The following BTRC variants were observed in gnomAD, a reference collection of about 807,000 sequenced individuals.
BTRC encodes F-box/WD repeat-containing protein 1A.
In BTRC, 42 loss-of-function variants were observed where a neutral mutation model predicts 85.5. The ratio of observed to expected loss-of-function variants is 0.49; its 90% CI spans 0.38 to 0.64. The LOEUF is 0.64. Ranked by LOEUF, BTRC falls within the 30% of genes least tolerant of loss-of-function variation. BTRC has a pLI of 0.00. For synonymous variants in BTRC, 255 were observed against 263.3 expected, an observed-to-expected ratio of 0.97 and a Z score of 0.30; for missense variants, 594 against 743.5, an observed-to-expected ratio of 0.80 and a Z score of 2.34.
chr10:101,419,018 T>C (rs887021500), intron 1 of BTRC, among the ~76,000 whole-genome samples: 10 of 151,546 alleles, frequency 6.6e-5, no homozygotes, highest in Admixed American at 3.9e-4. Context: ...TTCTTTCTTT[T>C]TTTTTTTTTT....
At chr10:101,526,741 T>C (rs1472099472) in intron 6 of BTRC, among the ~76,000 whole-genome samples, 1 of 152,256 alleles carries the variant, frequency 6.6e-6, no homozygotes, top group Non-Finnish European at 1.5e-5. Flanking sequence ...CTTTATCTTA[T>C]GCCTCTGGTG....
chr10:101,469,775 A>G (rs994234812), intron 3 of BTRC, among the ~76,000 whole-genome samples: 5 of 152,168 alleles, frequency 3.3e-5, no homozygotes, highest in African/African-American at 1.2e-4. Context: ...TTTCTGCACC[A>G]CCAATGGATC....
At chr10:101,409,054 CA>C (rs1345379381) in intron 1 of BTRC, among the ~76,000 whole-genome samples, 4 of 151,772 alleles carry the variant, frequency 2.6e-5, no homozygotes, top group Admixed American at 2.6e-4. Flanking sequence ...CATCTCAAAA[CA>C]AAAACAAAAA....
At chr10:101,459,926 AC>A (rs1316796259) in intron 2 of BTRC, among the ~76,000 whole-genome samples, 1 of 152,194 alleles carries the variant, frequency 6.6e-6, no homozygotes, top group African/African-American at 2.4e-5. Context: ...CAGCCCAAGT[AC>A]CTGTATAATA....
rs578231412 is a variant in BTRC at position 101,542,884 on chromosome 10, C to T, written c.1656+4513C>T. 5.3e-5 allele frequency among the ~76,000 whole-genome samples: 8 copies of T among 151,586 alleles called. No homozygotes were observed. In the South Asian group the frequency reaches 1.5e-3, roughly 28 times the overall value. On this transcript the variant is annotated intron_variant, in intron 13 of 14. Transcript: ENST00000370187. ...GCTTCATGGTTTTTTTTGTTGTTGT[C>T]GTTGTTTTTGAGACGGAGTTTCTCT...
chr10:101,536,129 A>G (rs1285243525), intron 11 of BTRC, among the ~76,000 whole-genome samples: 1 of 152,228 alleles, frequency 6.6e-6, no homozygotes, highest in Non-Finnish European at 1.5e-5. Flanking sequence ...GTGGTGAAAG[A>G]AGTGTCTGCC....
chr10:101,362,426 G>T (rs867640064), intron 1 of BTRC, among the ~76,000 whole-genome samples: 1 of 150,322 alleles, frequency 6.7e-6, no homozygotes, highest in Non-Finnish European at 1.5e-5. Context: ...ATGGAGTTTC[G>T]CTCTTGTTGC....
chr10:101,358,586 T>TA (rs1044404856), intron 1 of BTRC, among the ~76,000 whole-genome samples: 8 of 151,970 alleles, frequency 5.3e-5, no homozygotes, highest in African/African-American at 7.3e-5. Flanking sequence ...AAACTTAGCT[T>TA]AAAAAAAACA....
At chr10:101,445,973 TA>T (rs902305132) in intron 2 of BTRC, among the ~76,000 whole-genome samples, 1 of 152,156 alleles carries the variant, frequency 6.6e-6, no homozygotes, top group Admixed American at 6.5e-5. Context: ...ATAGGAATGA[TA>T]ATGTGGCACT....
At chr10:101,483,574 C>G (rs1473134925) in intron 4 of BTRC, among the ~76,000 whole-genome samples, 1 of 151,850 alleles carries the variant, frequency 6.6e-6, no homozygotes, top group Non-Finnish European at 1.5e-5. Flanking sequence ...GCCTGGGCGA[C>G]AGAGTGAGAC....
rs1388302599 is a variant in BTRC at position 101,509,286 on chromosome 10, G to A, written c.325-12353G>A. Among the ~76,000 whole-genome samples, 9 of 107,438 alleles carry A rather than the reference G, an allele frequency of 8.4e-5. No homozygotes were observed. The South Asian group carries it at 1.3e-3, about 16-fold the overall frequency. 70.5% of individuals were successfully genotyped at this position (107,438 alleles called of 152,430 possible). On this transcript the variant is annotated intron_variant, in intron 4 of 14. Coordinates refer to ENST00000370187, the MANE Select transcript of BTRC (RefSeq NM_033637.4). ...TTTTTTTTTTTTGAGACAGAGTCTC[G>A]CTCTGTCGCCCAGGCTGGAGTGCAG...
intron 4 of BTRC, among the ~76,000 whole-genome samples, chr10:101,512,224 C>A (rs1459832709): frequency 1.3e-5 from 2 of 152,204 alleles, no homozygotes; most frequent in Admixed American, 1.3e-4. Flanking sequence ...TTATCCCCTG[C>A]AAAACCCTTG....
chr10:101,501,884 ACCTACACAAAAC>A (rs889512004), intron 4 of BTRC, among the ~76,000 whole-genome samples: 2 of 152,140 alleles, frequency 1.3e-5, no homozygotes, highest in African/African-American at 4.8e-5. Flanking sequence ...CCCAGAAAAC[ACCTACACAAAAC>A]CCCTGGTGGA....
intron 4 of BTRC, among the ~76,000 whole-genome samples, chr10:101,499,322 C>T (rs892785442): frequency 2.6e-5 from 4 of 151,876 alleles, no homozygotes; most frequent in Non-Finnish European, 5.9e-5. Context: ...CTGCAACCTC[C>T]GCCTTCTGGG....
chr10:101,444,530 A>G (rs1183254741), intron 2 of BTRC, among the ~76,000 whole-genome samples: 1 of 152,170 alleles, frequency 6.6e-6, no homozygotes, highest in Non-Finnish European at 1.5e-5. Context: ...TGTAGTGTTA[A>G]AATTCACATT....
intron 1 of BTRC, among the ~76,000 whole-genome samples, chr10:101,422,188 T>C (rs1199870369): frequency 6.6e-6 from 1 of 152,202 alleles, no homozygotes; most frequent in Non-Finnish European, 1.5e-5. Context: ...TGGTATCTCA[T>C]TGTGGTTTTG....
At chr10:101,521,007 C>T (rs368056603) in intron 4 of BTRC, among the ~76,000 whole-genome samples, 2 of 152,020 alleles carry the variant, frequency 1.3e-5, no homozygotes, top group Admixed American at 6.6e-5. Flanking sequence ...TAGCTCACAC[C>T]TGTTAATCCC....
intron 3 of BTRC, among the ~76,000 whole-genome samples, 196 bp downstream of exon 3, chr10:101,462,254 T>C (rs1287384693): frequency 6.6e-6 from 1 of 152,222 alleles, no homozygotes; most frequent in Non-Finnish European, 1.5e-5. Flanking sequence ...TAGGTATACA[T>C]GTACAGGACA....
At chr10:101,395,698 C>T (rs1180439512) in intron 1 of BTRC, among the ~76,000 whole-genome samples, 1 of 151,906 alleles carries the variant, frequency 6.6e-6, no homozygotes, top group Non-Finnish European at 1.5e-5. Flanking sequence ...TTATATTTTT[C>T]AGTTCATTGC....
Sources: gnomAD v4.1 joint callset for allele counts (sites outside exome capture counted in the v4.1 genomes callset) on GRCh38, gnomAD v4.1.1 for gene constraint, MANE v1.5 for transcripts, NCBI Gene and HGNC (gene_info 2026-07-23, HGNC 2026-07-21) for gene names.